WWOX: variants seen among roughly 807,000 people sequenced by gnomAD.
WWOX encodes WW domain containing oxidoreductase.
A neutral mutation model predicts 46.2 loss-of-function variants in WWOX; 69 were observed. The ratio of observed to expected loss-of-function variants is 1.49; its 90% CI spans 1.23 to 1.82. WWOX has a LOEUF of 1.82. WWOX is among the 40% of genes most tolerant of loss of function. The pLI, the probability that WWOX is intolerant of heterozygous loss-of-function variation, is 0.00. For missense variants in WWOX, 919 were observed against 542.6 expected (o/e 1.69, Z -6.89); for synonymous variants, 359 against 202.6 (o/e 1.77, Z -6.56).
chr16:78,369,924 G>A (rs1283228511), intron 5 of WWOX, among the ~76,000 whole-genome samples: 1 of 151,896 alleles, frequency 6.6e-6, no homozygotes. Flanking sequence ...CATAAGGCCA[G>A]GAGTTTGAGA....
intron 8 of WWOX, among the ~76,000 whole-genome samples, chr16:79,208,342 C>G (rs1179866792): frequency 6.6e-6 from 1 of 151,418 alleles, no homozygotes; most frequent in Non-Finnish European, 1.5e-5. Flanking sequence ...GATTAGCAAC[C>G]ATATACAACC....
chr16:78,955,744 C>G (rs947021620), intron 8 of WWOX, among the ~76,000 whole-genome samples: 1 of 151,160 alleles, frequency 6.6e-6, no homozygotes, highest in African/African-American at 2.4e-5. Flanking sequence ...GCCTCCTAAA[C>G]TCAAGCAGTT....
intron 8 of WWOX, among the ~76,000 whole-genome samples, chr16:78,863,748 T>C (rs1444392264): frequency 6.6e-6 from 1 of 152,358 alleles, no homozygotes; most frequent in South Asian, 2.1e-4. Context: ...GGGTGGTCAC[T>C]GTACTAGTTT....
intron 8 of WWOX, among the ~76,000 whole-genome samples, chr16:78,664,283 C>G (rs1460979037): frequency 6.6e-6 from 1 of 152,202 alleles, no homozygotes; most frequent in African/African-American, 2.4e-5. Context: ...AAGCCCCTAA[C>G]TCTTCATGTA....
rs59862391 is a variant in WWOX at position 78,782,666 on chromosome 16, C to CTT, written c.1056+349930_1056+349931dup. 7.4e-4 allele frequency among the ~76,000 whole-genome samples: 97 copies of CTT among 131,840 alleles called. No homozygotes were observed. The East Asian group carries it at 9.9e-3, about 13-fold the overall frequency. 86.5% of individuals were successfully genotyped at this position (131,840 alleles called of 152,430 possible). A position where few individuals can be genotyped will look rare whatever the true frequency, so the allele number is the denominator to read the frequency against. ...TCTTTCCGGTCTTTCTTTTCTATAT[C>CTT]TTTTTTTTTTTTTTTTTGCATTTTT... On this transcript the variant is annotated intron_variant, in intron 8 of 8. Coordinates refer to ENST00000566780, the MANE Select transcript of WWOX (RefSeq NM_016373.4).
intron 8 of WWOX, among the ~76,000 whole-genome samples, chr16:78,830,734 C>T (rs544760881): frequency 4.6e-5 from 7 of 151,780 alleles, no homozygotes; most frequent in Non-Finnish European, 1.0e-4. Context: ...CCAAGCAGGA[C>T]GGCATCAGCT....
At position 78,326,589 on chromosome 16, in the gene WWOX, C is replaced by T. The variant is rs1473400029; in HGVS notation, c.517-60271C>T. Among the ~76,000 whole-genome samples the T allele has an allele frequency of 7.2e-5, 7 of 97,276 alleles. 1 individual carries two copies. The highest frequency in any genetic ancestry group is 4.8e-4 in the South Asian group (1 of 2,076). 63.8% of individuals were successfully genotyped at this position (97,276 alleles called of 152,430 possible). A position where few individuals can be genotyped will look rare whatever the true frequency, so the allele number is the denominator to read the frequency against. On this transcript the variant is annotated intron_variant, in intron 5 of 8. Transcript: ENST00000566780. ...CTGCCCTCCCCCCGCCCCCCCCCCCCGCAATGCCTCAATCTGTGGCAGAGT... is the reference window on the plus strand; with the variant it reads ...CTGCCCTCCCCCCGCCCCCCCCCCCTGCAATGCCTCAATCTGTGGCAGAGT...
At chr16:78,482,109 A>T (rs2084508266) in intron 8 of WWOX, among the ~76,000 whole-genome samples, 1 of 152,116 alleles carries the variant, frequency 6.6e-6, no homozygotes, top group Non-Finnish European at 1.5e-5. Context: ...TTATACATTT[A>T]TTTAGGTGGA....
chr16:79,163,557 G>A (rs1386981202), intron 8 of WWOX, among the ~76,000 whole-genome samples: 1 of 152,180 alleles, frequency 6.6e-6, no homozygotes, highest in Non-Finnish European at 1.5e-5. Context: ...CCAGCACTTT[G>A]GGAGGCCGAA....
rs199820033 is a variant in WWOX, at chr16:78,386,850, C to G, written c.517-10C>G. On this transcript the variant is annotated splice_polypyrimidine_tract_variant and intron_variant, in intron 5 of 8. Coordinates refer to ENST00000566780, the MANE Select transcript of WWOX (RefSeq NM_016373.4). ...TATTTATCATTTCTTTTTATTTTCTCTCATTGCAGCATAAAGCCAAGGTAG... is the reference window on the plus strand; with the variant it reads ...TATTTATCATTTCTTTTTATTTTCTGTCATTGCAGCATAAAGCCAAGGTAG... The G allele has an allele frequency of 2.2e-5, 35 of 1,611,000 alleles. No individual in the cohort carries two copies. The highest frequency in any genetic ancestry group is 2.8e-5 in the Non-Finnish European group (33 of 1,177,320).
At chr16:78,486,996 G>A (rs186055432) in intron 8 of WWOX, among the ~76,000 whole-genome samples, 2 of 152,256 alleles carry the variant, frequency 1.3e-5, no homozygotes, top group Non-Finnish European at 2.9e-5. Context: ...GAGCTGCTTC[G>A]CATCCTGCTA....
At chr16:78,138,720 C>T (rs2151704931) in intron 4 of WWOX, among the ~76,000 whole-genome samples, 1 of 152,308 alleles carries the variant, frequency 6.6e-6, no homozygotes, top group South Asian at 2.1e-4. Flanking sequence ...AGCAATCACC[C>T]AACTGCTGTA....
chr16:78,488,217 T>C (rs1017272439), intron 8 of WWOX, among the ~76,000 whole-genome samples: 2 of 152,184 alleles, frequency 1.3e-5, no homozygotes, highest in Admixed American at 6.5e-5. Context: ...AAGCTCTTTA[T>C]CCTGGTACGC....
intron 8 of WWOX, among the ~76,000 whole-genome samples, chr16:78,624,718 T>G (rs1044505516): frequency 3.9e-5 from 6 of 152,164 alleles, no homozygotes; most frequent in African/African-American, 1.4e-4. Flanking sequence ...GAACATAATA[T>G]GTCTATCATT....
chr16:78,428,218 G>C (rs2083132394), intron 7 of WWOX, among the ~76,000 whole-genome samples: 1 of 152,230 alleles, frequency 6.6e-6, no homozygotes, highest in Non-Finnish European at 1.5e-5. Context: ...ATTCTATTAA[G>C]ACATAATTGT....
At chr16:79,009,336 C>CA (rs2047256626) in intron 8 of WWOX, among the ~76,000 whole-genome samples, 1 of 152,188 alleles carries the variant, frequency 6.6e-6, no homozygotes, top group African/African-American at 2.4e-5. Flanking sequence ...TGCTGCTCTG[C>CA]ACTGCTGTGG....
intron 8 of WWOX, among the ~76,000 whole-genome samples, chr16:78,665,885 A>G (rs1324505410): frequency 3.9e-5 from 6 of 151,978 alleles, no homozygotes; most frequent in African/African-American, 1.2e-4. Context: ...GAGTTTCACC[A>G]TGTTGGCCAG....
intron 8 of WWOX, among the ~76,000 whole-genome samples, chr16:78,631,525 C>T (rs1327919614): frequency 6.7e-6 from 1 of 150,090 alleles, no homozygotes; most frequent in Non-Finnish European, 1.5e-5. Context: ...CAGATATTTT[C>T]AGTGTTAAAA....
At chr16:78,460,519 A>T (rs1195991901) in intron 8 of WWOX, among the ~76,000 whole-genome samples, 4 of 152,092 alleles carry the variant, frequency 2.6e-5, no homozygotes, top group Admixed American at 1.3e-4. Context: ...GATTTCTCCA[A>T]CCCTGAATGT....
Sources: gnomAD v4.1 joint callset for allele counts (sites outside exome capture counted in the v4.1 genomes callset) on GRCh38, gnomAD v4.1.1 for gene constraint, MANE v1.5 for transcripts, NCBI Gene and HGNC (gene_info 2026-07-23, HGNC 2026-07-21) for gene names.